Variants in LEKR1 observed in about 807,000 individuals in gnomAD.
LEKR1 encodes the protein leucine, glutamate and lysine rich 1.
LEKR1 carries 59 observed loss-of-function variants against 72.4 expected under a neutral mutation model. The observed-to-expected ratio is 0.82, with a 90% CI of 0.66 to 1.01. The LOEUF is 1.01. Ranked by LOEUF, LEKR1 falls within the 50% of genes least tolerant of loss-of-function variation. The pLI is 0.00. For synonymous variants in LEKR1, 257 were observed against 263.2 expected (o/e 0.98, Z 0.23); for missense variants, 728 against 759.2 (o/e 0.96, Z 0.48).
At chr3:156,978,162 G>A (rs1560121911) in intron 6 of LEKR1, among the ~76,000 whole-genome samples, 3 of 152,002 alleles carry the variant, frequency 2.0e-5, no homozygotes, top group Admixed American at 1.3e-4. Flanking sequence ...GATAAACAAA[G>A]GTTTATACAA....
At chr3:156,974,304 G>A (rs1172066965) in intron 6 of LEKR1, among the ~76,000 whole-genome samples, 3 of 152,120 alleles carry the variant, frequency 2.0e-5, no homozygotes, top group African/African-American at 7.2e-5. Flanking sequence ...CTTGATTTGT[G>A]TAATTTTTAA....
At chr3:156,978,085 G>T (rs1340983426) in intron 6 of LEKR1, among the ~76,000 whole-genome samples, 3 of 152,110 alleles carry the variant, frequency 2.0e-5, no homozygotes, top group Admixed American at 2.0e-4. Context: ...GATAGATAAA[G>T]TTAATGTAAT....
chr3:157,044,698 G>A (rs758607345), intron 12 of LEKR1, among the ~76,000 whole-genome samples: 4 of 152,170 alleles, frequency 2.6e-5, no homozygotes, highest in Non-Finnish European at 5.9e-5. Flanking sequence ...GTAAATGATT[G>A]CTGAATGAAT....
At chr3:156,872,054 A>C (rs1718018220) in intron 3 of LEKR1, among the ~76,000 whole-genome samples, 2 of 151,074 alleles carry the variant, frequency 1.3e-5, no homozygotes, top group South Asian at 4.2e-4. Context: ...TTCAGCAGTG[A>C]AACTGTCTGG....
At chr3:156,865,580 C>T (rs1477655062) in intron 3 of LEKR1, among the ~76,000 whole-genome samples, 1 of 138,668 alleles carries the variant, frequency 7.2e-6, no homozygotes, top group Non-Finnish European at 1.5e-5. Flanking sequence ...GTTTGCACAT[C>T]TACAGTCATC....
intron 6 of LEKR1, among the ~76,000 whole-genome samples, chr3:156,972,384 C>A (rs920110006): frequency 1.3e-5 from 2 of 151,916 alleles, no homozygotes; most frequent in African/African-American, 4.8e-5. Context: ...AGGAGATATA[C>A]CTAATGTTAA....
chr3:156,921,889 A>G (rs1355801038), intron 4 of LEKR1, among the ~76,000 whole-genome samples: 3 of 152,170 alleles, frequency 2.0e-5, no homozygotes, highest in African/African-American at 7.2e-5. Flanking sequence ...CAGTATTTCA[A>G]ATTTTTGAAG....
intron 5 of LEKR1, among the ~76,000 whole-genome samples, chr3:156,939,048 A>G (rs1223702561): frequency 6.6e-6 from 1 of 152,242 alleles, no homozygotes; most frequent in African/African-American, 2.4e-5. Flanking sequence ...ATAATAGTAC[A>G]AACATTTTAA....
In LEKR1 at chr3:156,909,599, C is replaced by T. The variant is rs140304233; in HGVS notation, c.264-10976C>T. 1.4e-4 allele frequency among the ~76,000 whole-genome samples: 21 copies of T among 146,526 alleles called. No homozygotes were observed. The East Asian group carries it at 3.0e-3, about 21-fold the overall frequency. Reference sequence around the variant, plus strand: ...CCGGGAGGCAGAGGTTACAGTGAGCCGAGATCACGCCACTGCACTCCAGCC... The same window carrying T: ...CCGGGAGGCAGAGGTTACAGTGAGCTGAGATCACGCCACTGCACTCCAGCC... On this transcript the variant is annotated intron_variant, in intron 3 of 12. Transcript: ENST00000356539.
chr3:156,976,772 T>A (rs1466979431), intron 6 of LEKR1, among the ~76,000 whole-genome samples: 1 of 152,190 alleles, frequency 6.6e-6, no homozygotes, highest in Non-Finnish European at 1.5e-5. Context: ...AACTTTAGGA[T>A]CAGGCAGACC....
chr3:156,850,147 A>C (rs928282466), intron 2 of LEKR1, among the ~76,000 whole-genome samples: 7 of 152,124 alleles, frequency 4.6e-5, no homozygotes, highest in Non-Finnish European at 8.8e-5. Context: ...AGCCAAAAAA[A>C]CACGTGAAAA....
intron 10 of LEKR1, among the ~76,000 whole-genome samples, chr3:157,012,566 A>G (rs1013647695): frequency 2.0e-5 from 3 of 152,052 alleles, no homozygotes; most frequent in African/African-American, 7.2e-5. Flanking sequence ...TAAATTTGTC[A>G]CTTTCATTTC....
intron 3 of LEKR1, among the ~76,000 whole-genome samples, chr3:156,887,305 T>G (rs1413575534): frequency 1.3e-5 from 2 of 152,172 alleles, no homozygotes; most frequent in African/African-American, 4.8e-5. Context: ...CTCTGCCTTC[T>G]TGGTGGGCCC....
chr3:157,033,517 T>C (rs1209633931), intron 12 of LEKR1, among the ~76,000 whole-genome samples: 2 of 152,142 alleles, frequency 1.3e-5, no homozygotes, highest in Non-Finnish European at 2.9e-5. Flanking sequence ...CCTAACTCTC[T>C]CCAATTGTAT....
At chr3:156,877,775 T>C (rs1460762561) in intron 3 of LEKR1, among the ~76,000 whole-genome samples, 1 of 152,122 alleles carries the variant, frequency 6.6e-6, no homozygotes, top group Non-Finnish European at 1.5e-5. Context: ...GTTTCCTTTA[T>C]TTTTATTTAT....
intron 10 of LEKR1, among the ~76,000 whole-genome samples, chr3:157,014,487 C>A (rs1297643549): frequency 1.3e-5 from 2 of 151,962 alleles, no homozygotes; most frequent in Admixed American, 1.3e-4. Flanking sequence ...AATTAAAGAA[C>A]CAAATGACCT....
intron 4 of LEKR1, among the ~76,000 whole-genome samples, chr3:156,922,981 T>C (rs1724352334): frequency 6.6e-6 from 1 of 152,224 alleles, no homozygotes; most frequent in Non-Finnish European, 1.5e-5. Context: ...AAATTTTCAA[T>C]GTCAACTCCA....
At chr3:156,964,706 A>G (rs1005003807) in intron 6 of LEKR1, among the ~76,000 whole-genome samples, 34 of 151,954 alleles carry the variant, frequency 2.2e-4, no homozygotes, top group African/African-American at 7.5e-4. Flanking sequence ...CTGAAGATAC[A>G]CTCCATCTCC....
intron 10 of LEKR1, among the ~76,000 whole-genome samples, chr3:157,021,634 C>T (rs1367108990): frequency 6.6e-6 from 1 of 152,120 alleles, no homozygotes; most frequent in Non-Finnish European, 1.5e-5. Context: ...AGCAATCAAT[C>T]CGTATTTGGA....
Sources: gnomAD v4.1 joint callset for allele counts (sites outside exome capture counted in the v4.1 genomes callset) on GRCh38, gnomAD v4.1.1 for gene constraint, MANE v1.5 for transcripts, NCBI Gene and HGNC (gene_info 2026-07-23, HGNC 2026-07-21) for gene names.